PRKCH: variants seen among roughly 807,000 people sequenced by gnomAD.
PRKCH encodes the protein protein kinase C eta.
PRKCH carries 28 observed loss-of-function variants against 82.5 expected under a neutral mutation model. The observed-to-expected ratio is 0.34, with a 90% CI of 0.25 to 0.47. The LOEUF (loss-of-function observed/expected upper bound fraction) is 0.47, where lower values mean the gene tolerates loss of function less well. PRKCH is among the 20% of genes least tolerant of loss of function. The pLI, the probability that PRKCH is intolerant of heterozygous loss-of-function variation, is 1.00. For synonymous variants in PRKCH, 322 were observed against 327.4 expected (o/e 0.98, Z 0.18); for missense variants, 705 against 881.8 (o/e 0.80, Z 2.54).
chr14:61,525,445 C>T (rs996668979), intron 10 of PRKCH, among the ~76,000 whole-genome samples: 2 of 152,148 alleles, frequency 1.3e-5, no homozygotes, highest in African/African-American at 4.8e-5. Context: ...TTTGTGGCCT[C>T]GGGCATCCTG....
At chr14:61,388,855 G>T (rs1189548470) in intron 1 of PRKCH, among the ~76,000 whole-genome samples, 1 of 152,228 alleles carries the variant, frequency 6.6e-6, no homozygotes, top group Non-Finnish European at 1.5e-5. Context: ...GATTTATAGT[G>T]TGGTAACCAC....
intron 9 of PRKCH, among the ~76,000 whole-genome samples, chr14:61,470,574 T>C (rs3783785): frequency 0.36 from 55,190 of 152,006 alleles, 11,737 homozygotes; most frequent in East Asian, 0.58. Flanking sequence ...TGCCCTGTCT[T>C]TTCTTTGGGG....
chr14:61,498,673 TGAGGGGATGGAGA>T (rs111624108), intron 10 of PRKCH, among the ~76,000 whole-genome samples: 27 of 152,234 alleles, frequency 1.8e-4, no homozygotes, highest in African/African-American at 6.5e-4. Context: ...TCTCATGCGG[TGAGGGGATGGAGA>T]GAGCACAGGC....
chr14:61,484,824 C>G (rs536403170), intron 9 of PRKCH, among the ~76,000 whole-genome samples: 2 of 144,126 alleles, frequency 1.4e-5, no homozygotes, highest in African/African-American at 2.7e-5. Flanking sequence ...GTGGGAGTGC[C>G]GTGGCACAAT....
chr14:61,353,218 T>C (rs1422358459), intron 1 of PRKCH, among the ~76,000 whole-genome samples: 1 of 152,192 alleles, frequency 6.6e-6, no homozygotes, highest in Non-Finnish European at 1.5e-5. Context: ...TAGCAATACT[T>C]TTCTTGAGTG....
At chr14:61,395,394 G>A (rs1462969032) in intron 2 of PRKCH, among the ~76,000 whole-genome samples, 1 of 148,266 alleles carries the variant, frequency 6.7e-6, no homozygotes, top group Non-Finnish European at 1.5e-5. Context: ...CTTAGATTAT[G>A]TCCAGCCATA....
chr14:61,495,763 C>T (rs931568176), intron 10 of PRKCH, among the ~76,000 whole-genome samples: 1 of 152,124 alleles, frequency 6.6e-6, no homozygotes, highest in Admixed American at 6.5e-5. Flanking sequence ...AAAACCCCCT[C>T]CTCTCAGGGA....
intron 9 of PRKCH, among the ~76,000 whole-genome samples, chr14:61,464,456 T>C (rs964307737): frequency 6.6e-6 from 1 of 152,168 alleles, no homozygotes; most frequent in African/African-American, 2.4e-5. Context: ...TACATAGGTG[T>C]ACATGTGCCA....
At position 61,549,670 on chromosome 14, in the gene PRKCH, T is replaced by A; in HGVS notation, c.1906-15T>A. Reference sequence around the variant, plus strand: ...CGCAAAAATCTCACCCTTGTTTCCCTTTTTTTTTTGGCAGAAATCCCGAGA... The same window carrying A: ...CGCAAAAATCTCACCCTTGTTTCCCATTTTTTTTTGGCAGAAATCCCGAGA... On this transcript the variant is annotated splice_polypyrimidine_tract_variant and intron_variant, in intron 13 of 13. Transcript: ENST00000332981. The A allele has an allele frequency of 8.6e-7, 1 of 1,160,420 alleles. No individual in the cohort carries two copies. Among genetic ancestry groups the A allele is most frequent in the Non-Finnish European group, 1.2e-6 (1 of 855,902 alleles). 71.9% of individuals were successfully genotyped at this position (1,160,420 alleles called of 1,614,324 possible).
intron 9 of PRKCH, among the ~76,000 whole-genome samples, chr14:61,459,386 G>A (rs532658506): frequency 7.2e-5 from 11 of 152,328 alleles, no homozygotes; most frequent in Non-Finnish European, 1.3e-4. Context: ...GTCATACAGG[G>A]TCAACAGCAC....
intron 1 of PRKCH, among the ~76,000 whole-genome samples, chr14:61,195,465 G>C (rs1054240443): frequency 1.3e-5 from 2 of 152,218 alleles, no homozygotes; most frequent in Non-Finnish European, 2.9e-5. Context: ...CAATGTGCTA[G>C]TCACTGGAAC....
intron 1 of PRKCH, among the ~76,000 whole-genome samples, chr14:61,368,917 C>T (rs1048118673): frequency 6.6e-6 from 1 of 151,940 alleles, no homozygotes; most frequent in East Asian, 1.9e-4. Flanking sequence ...TCATTATTTA[C>T]TTATTCAGAA....
At chr14:61,306,959 G>T (rs1468285747) in intron 1 of PRKCH, 1 of 152,132 alleles carries the variant, frequency 6.6e-6, no homozygotes, top group Non-Finnish European at 1.5e-5. Flanking sequence ...CATTTTTAAA[G>T]AGTTTAACAC....
chr14:61,314,067 C>T (rs6573378), intron 1 of PRKCH, among the ~76,000 whole-genome samples: 30,566 of 152,188 alleles, frequency 0.2, 3,455 homozygotes, highest in African/African-American at 0.31. Context: ...ATTTTTGCCT[C>T]ATTTGGTGAC....
At chr14:61,455,754 G>T (rs1884737401) in intron 7 of PRKCH, among the ~76,000 whole-genome samples, 1 of 152,200 alleles carries the variant, frequency 6.6e-6, no homozygotes, top group South Asian at 2.1e-4. Context: ...CTGGCTGGAT[G>T]TTAGACTTTT....
At chr14:61,403,144 A>G (rs1346768341) in intron 2 of PRKCH, among the ~76,000 whole-genome samples, 2 of 152,192 alleles carry the variant, frequency 1.3e-5, no homozygotes, top group Non-Finnish European at 2.9e-5. Flanking sequence ...TTTTATTAAA[A>G]TGTGTATACT....
chr14:61,474,218 C>G (rs1341553149), intron 9 of PRKCH, among the ~76,000 whole-genome samples: 2 of 152,106 alleles, frequency 1.3e-5, no homozygotes, highest in East Asian at 3.9e-4. Flanking sequence ...GTGTCACCAT[C>G]TTAGGATCTG....
In PRKCH at chr14:61,502,851, C is replaced by T. The variant is rs189053504; in HGVS notation, c.1433+17195C>T. ...TCACCGAGTGAGGATTTTAACACTCCTTTGACAAAGAAATGGGGCCGAGCA... is the reference window on the plus strand; with the variant it reads ...TCACCGAGTGAGGATTTTAACACTCTTTTGACAAAGAAATGGGGCCGAGCA... On this transcript the variant is annotated intron_variant, in intron 10 of 13. Coordinates refer to ENST00000332981, the MANE Select transcript of PRKCH (RefSeq NM_006255.5). 2.4e-4 allele frequency among the ~76,000 whole-genome samples: 36 copies of T among 152,184 alleles called. No individual in the cohort carries two copies. In the East Asian group the frequency reaches 6.4e-3, roughly 27 times the overall value.
intron 1 of PRKCH, among the ~76,000 whole-genome samples, chr14:61,327,851 A>T (rs939032966): frequency 6.6e-6 from 1 of 152,258 alleles, no homozygotes; most frequent in Non-Finnish European, 1.5e-5. Flanking sequence ...CTTTGGGAGC[A>T]TCTTTCCATC....
Sources: gnomAD v4.1 joint callset for allele counts (sites outside exome capture counted in the v4.1 genomes callset) on GRCh38, gnomAD v4.1.1 for gene constraint, MANE v1.5 for transcripts, NCBI Gene and HGNC (gene_info 2026-07-23, HGNC 2026-07-21) for gene names.